The following PKD1 variants were observed in gnomAD, a reference collection of about 807,000 sequenced individuals.
The protein encoded by PKD1 is polycystin-1.
In PKD1, 81 loss-of-function variants were observed where a neutral mutation model predicts 361.7. The observed-to-expected ratio is 0.22, with a 90% CI of 0.19 to 0.27. The LOEUF (loss-of-function observed/expected upper bound fraction) is 0.27, where lower values mean the gene tolerates loss of function less well. Among genes scored for constraint, PKD1 ranks in the 10% least tolerant of loss-of-function variants. PKD1 has a pLI of 1.00. For missense variants in PKD1, 6,399 were observed against 6,118.3 expected, an observed-to-expected ratio of 1.05 and a Z score of -1.53; for synonymous variants, 3,615 against 2,818.3, an observed-to-expected ratio of 1.28 and a Z score of -8.95.
Position 2,118,638 on chromosome 16 carries a change from TG to T in PKD1, c.529+37del. On this transcript the variant is annotated intron_variant, in intron 4 of 45. Transcript: ENST00000262304. The surrounding 1 kb of genome is among the most constrained non-coding windows in gnomAD (Gnocchi z 6.0). ...CTGCAGGGCCCAGGTCCCACCTGGC[TG>T]GGAAGGACAGAGCTGGCCCCACCCA... 8.6e-7 allele frequency: 1 copy of T among 1,159,464 alleles called. No homozygotes were observed. The highest frequency in any genetic ancestry group is 1.2e-6 in the Non-Finnish European group (1 of 804,390). The allele number at this position is 1,159,464 out of a possible 1,614,324, so 71.8% of individuals were successfully genotyped here.
At chr16:2,108,081 T>G in intron 15 of PKD1, 49 bp from the exon 16 acceptor site, 2 of 1,585,174 alleles carry the variant, frequency 1.3e-6, no homozygotes, top group Non-Finnish European at 1.7e-6. Flanking sequence ...CCCATCCAGT[T>G]TTAAAGCAGA....
At chr16:2,130,055 G>A (rs536069371) in intron 1 of PKD1, among the ~76,000 whole-genome samples, 9 of 152,200 alleles carry the variant, frequency 5.9e-5, no homozygotes, top group African/African-American at 1.7e-4. Flanking sequence ...CGGCAATCGC[G>A]TACAGGAGTG....
At chr16:2,108,112 C>T (rs1428633655) in intron 15 of PKD1, 80 bp from the exon 16 acceptor site, 50 of 1,528,486 alleles carry the variant, frequency 3.3e-5, no homozygotes, top group Non-Finnish European at 3.9e-5. Flanking sequence ...GGAGACAGCG[C>T]GGGAGACCCC....
chr16:2,101,899 A>G (rs1383286395), intron 26 of PKD1, 162 bp downstream of exon 26: 1 of 647,678 alleles, frequency 1.5e-6, no homozygotes, highest in Non-Finnish European at 2.8e-6. Context: ...AGGGACAGTG[A>G]GTGCTCACGA....
intron 1 of PKD1, among the ~76,000 whole-genome samples, chr16:2,127,259 G>A (rs1223513010): frequency 6.6e-6 from 1 of 152,226 alleles, no homozygotes; most frequent in East Asian, 1.9e-4. Flanking sequence ...AGAACAAAAG[G>A]AGTGAGGACG....
rs1412088567 is a variant in PKD1 at position 2,090,383 on chromosome 16, C to T, written c.12346G>A (p.Glu4116Lys). The T allele has an allele frequency of 6.2e-7, 1 of 1,612,710 alleles. No individual in the cohort carries two copies. The highest frequency in any genetic ancestry group is 1.1e-5 in the South Asian group (1 of 91,084). The change falls in exon 45 of 46, where the codon GAG (glutamate) becomes AAG (lysine). Residue 4116 changes from glutamate to lysine, a missense_variant. Coordinates refer to ENST00000262304, the MANE Select transcript of PKD1 (RefSeq NM_001009944.3). ...LRWRYHALRG[E>K]LYRPAWEPQD... ...GGCTCCCAGGCCGGCCGGTACAGCT[C>T]TCCACGCAAGGCGTGGTAGCGCCAG...
chr16:2,117,676 G>C lies in PKD1; in HGVS notation c.1202-4C>G, dbSNP rs1228418294. On this transcript the variant is annotated splice_region_variant and splice_polypyrimidine_tract_variant and intron_variant, in intron 5 of 45. Transcript: ENST00000262304. Reference sequence around the variant, plus strand: ...GAGGGGCAGAGCGGGTGCACCGCTGGAGACCGGTGGGAACGAGGGTGTCAA... The same window carrying C: ...GAGGGGCAGAGCGGGTGCACCGCTGCAGACCGGTGGGAACGAGGGTGTCAA... 5.6e-6 allele frequency: 9 copies of C among 1,607,994 alleles called. No individual in the cohort carries two copies. Among genetic ancestry groups the C allele is most frequent in the African/African-American group, 1.3e-5 (1 of 74,876 alleles).
Position 2,111,804 on chromosome 16 carries a change from G to T in PKD1, c.3363C>A (p.Ser1121Arg), listed in dbSNP as rs371391856. 26 of 1,609,762 alleles carry T rather than the reference G, an allele frequency of 1.6e-5. No homozygotes were observed. Among genetic ancestry groups the T allele is most frequent in the Non-Finnish European group, 2.0e-5 (24 of 1,179,312 alleles). Residue 1121 changes from serine (S) to arginine (R), a missense_variant, in exon 15 of 46, where the codon AGC becomes AGA. Coordinates refer to ENST00000262304, the MANE Select transcript of PKD1 (RefSeq NM_001009944.3). ...FENLTQQVPV[S>R]VRASLPSVAV... is the part of the protein sequence containing the mutation. ...CCACGGAGGGCAGGGAGGCGCGCAC[G>T]CTCACAGGCACCTGCTGCGTCAGGT... is the stretch of plus-strand genomic sequence containing the variant.
rs181057100 is a variant in PKD1, at chr16:2,127,430, G to A, written c.215+8045C>T. 4.3e-4 allele frequency among the ~76,000 whole-genome samples: 66 copies of A among 152,322 alleles called. 1 individual carries two copies. Among genetic ancestry groups the A allele is most frequent in the African/African-American group, 1.2e-3 (49 of 41,558 alleles). On this transcript the variant is annotated intron_variant, in intron 1 of 45. Coordinates refer to ENST00000262304, the MANE Select transcript of PKD1 (RefSeq NM_001009944.3). The stretch of plus-strand genomic sequence containing the variant: ...CACGCGGCCCTGCGCTGAAGGCACC[G>A]AGGCTGGGTGCTGAGGGGTCCATAG...
At chr16:2,123,500 G>A (rs1201238258) in intron 1 of PKD1, 1 of 456,382 alleles carries the variant, frequency 2.2e-6, no homozygotes, top group South Asian at 1.5e-5. Context: ...GTCTCCATCT[G>A]CTTTTGCCAT....
intron 30 of PKD1, chr16:2,099,232 G>C: frequency 2.8e-6 from 1 of 353,674 alleles, no homozygotes; most frequent in South Asian, 2.2e-5. Context: ...GAAGTGTTGG[G>C]ATTACAGGCG....
rs149007676 is a variant in PKD1, at chr16:2,110,583, G to T, written c.4584C>A (p.Ala1528=). 5 of 1,610,938 alleles carry T rather than the reference G, an allele frequency of 3.1e-6. No individual in the cohort carries two copies. The highest frequency in any genetic ancestry group is 4.2e-6 in the Non-Finnish European group (5 of 1,179,766). ...NSTGDFTVRV[A]GWNEVSRSEA... ...CGCTGCGGCTCACCTCATTCCAGCC[G>T]GCCACCCTAACGGTGAAGTCACCTG... The change falls in exon 15 of 46, where the codon GCC becomes GCA. Residue 1528 remains alanine (A), a synonymous_variant. Coordinates refer to ENST00000262304, the MANE Select transcript of PKD1 (RefSeq NM_001009944.3).
chr16:2,108,833 G>T lies in PKD1; in HGVS notation c.6334C>A (p.His2112Asn). ...GQDTDEPRAEHSYLRPGDYRV... is the reference protein window; with the variant it reads ...GQDTDEPRAENSYLRPGDYRV... ...TAGTCCCCAGGCCTCAGGTAGGAGTGCTCGGCCCTGGGCTCATCTGTGTCC... is the reference window on the plus strand; with the variant it reads ...TAGTCCCCAGGCCTCAGGTAGGAGTTCTCGGCCCTGGGCTCATCTGTGTCC... Residue 2112 changes from histidine (H) to asparagine (N), a missense_variant, in exon 15 of 46, where the codon CAC becomes AAC. His to Asn is a moderately conservative substitution (Grantham distance 68, BLOSUM62 1). Transcript: ENST00000262304. The T allele has an allele frequency of 6.4e-7, 1 of 1,570,506 alleles. No individual in the cohort carries two copies. Among genetic ancestry groups the T allele is most frequent in the Non-Finnish European group, 8.6e-7 (1 of 1,159,056 alleles).
At chr16:2,112,659 G>C (rs1445506035) in intron 13 of PKD1, 129 bp downstream of exon 13, 8 of 1,158,540 alleles carry the variant, frequency 6.9e-6, no homozygotes, top group Non-Finnish European at 9.9e-6. Context: ...TGTGCACCCA[G>C]TTACCTCCCA....
rs1398874197 is a variant in PKD1 at position 2,088,799 on chromosome 16, G to GTGGT, written c.*924_*927dup. Reference sequence around the variant, plus strand: ...TCTAGAAGCGGCCATGCCCACAGAAGTGGTACACAGAAGCAGGCACAGCCA... The same window carrying GTGGT: ...TCTAGAAGCGGCCATGCCCACAGAAGTGGTTGGTACACAGAAGCAGGCACAGCCA... On this transcript the variant is annotated 3_prime_UTR_variant, in exon 46 of 46. Coordinates refer to ENST00000262304, the MANE Select transcript of PKD1 (RefSeq NM_001009944.3). 5.8e-5 allele frequency: 45 copies of GTGGT among 776,324 alleles called. No homozygotes were observed. The African/African-American group carries it at 7.0e-4, about 12-fold the overall frequency. 48.1% of individuals were successfully genotyped at this position (776,324 alleles called of 1,614,324 possible).
rs371401724 is a variant in PKD1 at position 2,124,240 on chromosome 16, C to G, written c.216-4862G>C. ...GGGCAGCAGGGCCAGCCTGCCGGCCCGAGGTAGCTGACACGTGTCTCATGC... is the reference window on the plus strand; with the variant it reads ...GGGCAGCAGGGCCAGCCTGCCGGCCGGAGGTAGCTGACACGTGTCTCATGC... On this transcript the variant is annotated intron_variant, in intron 1 of 45. Coordinates refer to ENST00000262304, the MANE Select transcript of PKD1 (RefSeq NM_001009944.3). 2.0e-5 allele frequency among the ~76,000 whole-genome samples: 3 copies of G among 152,228 alleles called. No individual in the cohort carries two copies. The South Asian group carries it at 6.2e-4, about 31-fold the overall frequency.
At position 2,115,581 on chromosome 16, in the gene PKD1, T is replaced by C. The variant is rs763213387; in HGVS notation, c.1894A>G (p.Asn632Asp). The C allele has an allele frequency of 6.3e-6, 10 of 1,594,780 alleles. No individual in the cohort carries two copies. In the African/African-American group the frequency reaches 6.8e-5, roughly 11 times the overall value. ...CACGCGGGGGCCAGCTGGGTCCTGT[T>C]GTCCGGGGACCTGCTCTCAGGCTCG... ...GSEPESRSPD[N>D]RTQLAPACMP... The change falls in exon 10 of 46, where the codon AAC becomes GAC. Residue 632 changes from asparagine to aspartate, a missense_variant. Transcript: ENST00000262304.
At position 2,109,356 on chromosome 16, in the gene PKD1, G is replaced by C. The variant is rs149623670; in HGVS notation, c.5811C>G (p.Ser1937=). 230 of 1,592,216 alleles carry C rather than the reference G, an allele frequency of 1.4e-4. No individual in the cohort carries two copies. The African/African-American group carries it at 2.9e-3, about 20-fold the overall frequency. The change falls in exon 15 of 46, where the codon TCC becomes TCG. Residue 1937 remains serine, a synonymous_variant. Coordinates refer to ENST00000262304, the MANE Select transcript of PKD1 (RefSeq NM_001009944.3). ...GGTCTCCGACGCGGGGGAAGCTGTG[G>C]GAGAAACGGGGCCCGGGGAGCACCT... ...NPEVLPGPRF[S]HSFPRVGDHV...
At position 2,109,570 on chromosome 16, in the gene PKD1, A is replaced by G; in HGVS notation, c.5597T>C (p.Leu1866Pro). The change falls in exon 15 of 46, where the codon CTC (leucine) becomes CCC (proline). Residue 1866 changes from leucine to proline, a missense_variant. By Grantham distance (98) the Leu-to-Pro change is moderately conservative. Coordinates refer to ENST00000262304, the MANE Select transcript of PKD1 (RefSeq NM_001009944.3). Reference sequence around the variant, plus strand: ...CCAGCTGACTGCGTTGGAGGCATTGAGCCGGATGGAGAAGGTGCCAGCATC... The same window carrying G: ...CCAGCTGACTGCGTTGGAGGCATTGGGCCGGATGGAGAAGGTGCCAGCATC... ...FPDAGTFSIRLNASNAVSWVS... is the reference protein window; with the variant it reads ...FPDAGTFSIRPNASNAVSWVS... The G allele has an allele frequency of 1.9e-6, 3 of 1,611,744 alleles. No individual in the cohort carries two copies. The highest frequency in any genetic ancestry group is 2.5e-6 in the Non-Finnish European group (3 of 1,179,568).
Sources: gnomAD v4.1 joint callset for allele counts (sites outside exome capture counted in the v4.1 genomes callset) on GRCh38, gnomAD v4.1.1 for gene constraint, Gnocchi (gnomAD v3.1) non-coding constraint, MANE v1.5 for transcripts, NCBI Gene and HGNC (gene_info 2026-07-23, HGNC 2026-07-21) for gene names.